Variants in LOC128462377 observed in about 807,000 individuals in gnomAD.
the LOC128462377 span, among the ~76,000 whole-genome samples, chr16:89,350,742 C>G: frequency 6.6e-6 from 1 of 152,174 alleles, no homozygotes; most frequent in African/African-American, 2.4e-5. Context: ...ACAGTTCCAA[C>G]TGATTCCTTA....
At chr16:89,409,084 G>C in the LOC128462377 span, among the ~76,000 whole-genome samples, 59 of 152,342 alleles carry the variant, frequency 3.9e-4, no homozygotes, top group African/African-American at 1.4e-3. Context: ...AGCAGCCAAG[G>C]GAAGCTGGGG....
the LOC128462377 span, among the ~76,000 whole-genome samples, chr16:89,337,599 G>A: frequency 6.6e-6 from 1 of 151,852 alleles, no homozygotes; most frequent in East Asian, 1.9e-4. Context: ...ACCATGCCCA[G>A]ATAATTTTTT....
the LOC128462377 span, among the ~76,000 whole-genome samples, chr16:89,378,882 G>A: frequency 6.6e-6 from 1 of 151,510 alleles, no homozygotes; most frequent in Admixed American, 6.6e-5. Flanking sequence ...GTGGGGAAGG[G>A]CTTTCCAAGG....
the LOC128462377 span, among the ~76,000 whole-genome samples, chr16:89,396,369 G>A: frequency 8.5e-5 from 13 of 152,124 alleles, no homozygotes; most frequent in African/African-American, 1.9e-4. Context: ...CACACGCGAC[G>A]GAGCCGCACT....
the LOC128462377 span, among the ~76,000 whole-genome samples, chr16:89,372,158 G>A: frequency 6.6e-6 from 1 of 152,242 alleles, no homozygotes; most frequent in African/African-American, 2.4e-5. Context: ...TGGGAAGAAG[G>A]ACCGGCGCCC....
the LOC128462377 span, among the ~76,000 whole-genome samples, chr16:89,409,187 G>A: frequency 6.6e-6 from 1 of 152,164 alleles, no homozygotes; most frequent in Non-Finnish European, 1.5e-5. Flanking sequence ...GAGGAAATGA[G>A]ATGAGCTCAC....
At chr16:89,359,345 A>G in the LOC128462377 span, among the ~76,000 whole-genome samples, 1 of 152,208 alleles carries the variant, frequency 6.6e-6, no homozygotes, top group Non-Finnish European at 1.5e-5. Flanking sequence ...AATCGCACGT[A>G]CAGCCCTTTA....
chr16:89,344,399 A>G, the LOC128462377 span, among the ~76,000 whole-genome samples: 1 of 152,204 alleles, frequency 6.6e-6, no homozygotes, highest in African/African-American at 2.4e-5. Flanking sequence ...AGGCAGGACC[A>G]GCAACTCCAG....
the LOC128462377 span, among the ~76,000 whole-genome samples, chr16:89,355,819 G>T: frequency 3.9e-5 from 6 of 152,176 alleles, no homozygotes; most frequent in Non-Finnish European, 8.8e-5. Context: ...CACGGCAAGG[G>T]TCTGTGGCTC....
At chr16:89,410,230 C>A in the LOC128462377 span, among the ~76,000 whole-genome samples, 1 of 152,168 alleles carries the variant, frequency 6.6e-6, no homozygotes, top group Non-Finnish European at 1.5e-5. Context: ...CCGGTGGGTA[C>A]GGCCCTTTGA....
chr16:89,329,873 G>A, the LOC128462377 span, among the ~76,000 whole-genome samples: 1 of 152,134 alleles, frequency 6.6e-6, no homozygotes, highest in Admixed American at 6.5e-5. Flanking sequence ...GGGCATGGTG[G>A]TGCGTGCCTG....
At chr16:89,356,799 A>G in the LOC128462377 span, among the ~76,000 whole-genome samples, 1 of 149,388 alleles carries the variant, frequency 6.7e-6, no homozygotes, top group African/African-American at 2.6e-5. Context: ...AAAAAAAGAA[A>G]AAAGAAAAAA....
the LOC128462377 span, chr16:89,412,566 G>A: frequency 6.6e-6 from 1 of 152,140 alleles, no homozygotes; most frequent in Non-Finnish European, 1.5e-5. Flanking sequence ...AATTACATCT[G>A]GGAAGAAACA....
the LOC128462377 span, among the ~76,000 whole-genome samples, chr16:89,398,402 G>A: frequency 2.0e-3 from 115 of 57,400 alleles, 3 homozygotes; most frequent in African/African-American, 5.3e-3. Context: ...GATTACCTGT[G>A]ATCTCAGCAC....
At chr16:89,406,962 A>G in the LOC128462377 span, among the ~76,000 whole-genome samples, 1 of 152,166 alleles carries the variant, frequency 6.6e-6, no homozygotes, top group Admixed American at 6.5e-5. Flanking sequence ...GGGGGAGCAG[A>G]TCACTTGAGG....
the LOC128462377 span, among the ~76,000 whole-genome samples, chr16:89,322,348 G>GT: frequency 6.6e-6 from 1 of 152,196 alleles, no homozygotes; most frequent in Non-Finnish European, 1.5e-5. Flanking sequence ...AGGCCTTTAC[G>GT]TACGTCCTGG....
At chr16:89,381,792 G>A in the LOC128462377 span, among the ~76,000 whole-genome samples, 64 of 152,206 alleles carry the variant, frequency 4.2e-4, no homozygotes, top group African/African-American at 1.0e-3. Context: ...AGTGTTCCCC[G>A]AGCACATTGA....
At chr16:89,348,884 A>C in the LOC128462377 span, among the ~76,000 whole-genome samples, 607 of 151,392 alleles carry the variant, frequency 4.0e-3, 3 homozygotes, top group African/African-American at 0.014. Flanking sequence ...AAAAAAAAAA[A>C]AAAAACACCC....
At chr16:89,348,907 C>T in the LOC128462377 span, among the ~76,000 whole-genome samples, 3 of 148,168 alleles carry the variant, frequency 2.0e-5, no homozygotes, top group African/African-American at 7.4e-5. Context: ...CCGGGCATAT[C>T]ACCTGAAATC....
Sources: gnomAD v4.1 joint callset for allele counts (sites outside exome capture counted in the v4.1 genomes callset) on GRCh38, gnomAD v4.1.1 for gene constraint, MANE v1.5 for transcripts.